The following INVS variants were observed in gnomAD, a reference collection of about 807,000 sequenced individuals.
INVS encodes the protein inversin, also known as inversion of embryo turning homolog.
In INVS, 86 loss-of-function variants were observed where a neutral mutation model predicts 108.8. The ratio of observed to expected loss-of-function variants is 0.79; its 90% CI spans 0.66 to 0.95. The LOEUF is 0.95. INVS is among the 40% of genes least tolerant of loss of function. The pLI is 0.00. For missense variants in INVS, 1,169 were observed against 1,297.4 expected, an observed-to-expected ratio of 0.90 and a Z score of 1.52; for synonymous variants, 455 against 473.5, an observed-to-expected ratio of 0.96 and a Z score of 0.51.
At chr9:100,216,136 ATTTG>A (rs1049308375) in intron 3 of INVS, among the ~76,000 whole-genome samples, 2 of 152,184 alleles carry the variant, frequency 1.3e-5, no homozygotes, top group Non-Finnish European at 2.9e-5. Context: ...GGCAGCCACA[ATTTG>A]TTTGTAGTTT....
chr9:100,299,422 T>C (rs1031434027), intron 16 of INVS, among the ~76,000 whole-genome samples: 12 of 151,792 alleles, frequency 7.9e-5, no homozygotes, highest in African/African-American at 2.7e-4. Flanking sequence ...TATAGCAAAA[T>C]GCCAGCCTCC....
chr9:100,153,005 T>TTGTGTGTGTGTGTG (rs60860854), intron 3 of INVS, among the ~76,000 whole-genome samples: 1 of 149,164 alleles, frequency 6.7e-6, no homozygotes, highest in African/African-American at 2.5e-5. Context: ...TGTTAACTAA[T>TTGTGTGTGTGTGTG]TGTGTGTGTG....
Position 100,301,090 on chromosome 9 carries a change from T to C in INVS, c.*416T>C, listed in dbSNP as rs377559532. ...TAAATGAGATAGGAAGCCTGTCCCATAGCAGCCTTCCTCTCACTACTTTCC... is the reference window on the plus strand; with the variant it reads ...TAAATGAGATAGGAAGCCTGTCCCACAGCAGCCTTCCTCTCACTACTTTCC... On this transcript the variant is annotated 3_prime_UTR_variant, in exon 17 of 17. Coordinates refer to ENST00000262457, the MANE Select transcript of INVS (RefSeq NM_014425.5). 2.0e-5 allele frequency: 5 copies of C among 245,086 alleles called. No homozygotes were observed. Among genetic ancestry groups the C allele is most frequent in the Admixed American group, 1.0e-4 (2 of 19,404 alleles). The allele number at this position is 245,086 out of a possible 1,614,324, so 15.2% of individuals were successfully genotyped here. A position where few individuals can be genotyped will look rare whatever the true frequency, so the allele number is the denominator to read the frequency against.
intron 3 of INVS, among the ~76,000 whole-genome samples, chr9:100,139,495 T>C (rs1332594564): frequency 6.6e-6 from 1 of 152,216 alleles, no homozygotes; most frequent in African/African-American, 2.4e-5. Context: ...TTTCCAGCTA[T>C]CTTCTAGAAA....
intron 14 of INVS, among the ~76,000 whole-genome samples, chr9:100,293,271 T>C (rs1249788320): frequency 6.6e-6 from 1 of 152,134 alleles, no homozygotes; most frequent in African/African-American, 2.4e-5. Context: ...CAGGACAGCA[T>C]GGGGTAAAGG....
intron 16 of INVS, chr9:100,298,458 A>C (rs979842007): frequency 1.5e-5 from 6 of 396,784 alleles, no homozygotes; most frequent in Non-Finnish European, 1.7e-5. Context: ...CATACAGGAG[A>C]AGCTCAGGGA....
In INVS at chr9:100,293,026, C is replaced by T; in HGVS notation, c.2769C>T (p.Ile923=). 1.9e-6 allele frequency: 3 copies of T among 1,613,910 alleles called. No individual in the cohort carries two copies. The highest frequency in any genetic ancestry group is 2.5e-6 in the Non-Finnish European group (3 of 1,180,010). ...FRKKNKAAAV[I]QRAWRSYQLR... Reference sequence around the variant, plus strand: ...AAAAGAACAAGGCAGCAGCAGTCATCCAGCGCGCCTGGCGAAGGTAGGAAA... The same window carrying T: ...AAAAGAACAAGGCAGCAGCAGTCATTCAGCGCGCCTGGCGAAGGTAGGAAA... The change falls in exon 14 of 17, where the codon ATC becomes ATT. Residue 923 remains isoleucine (I), a synonymous_variant. Coordinates refer to ENST00000262457, the MANE Select transcript of INVS (RefSeq NM_014425.5).
At chr9:100,162,627 G>A (rs1445719326) in intron 3 of INVS, among the ~76,000 whole-genome samples, 2 of 152,056 alleles carry the variant, frequency 1.3e-5, no homozygotes, top group Non-Finnish European at 2.9e-5. Context: ...TGATTCCCAG[G>A]CCTAATCCTA....
At position 100,300,997 on chromosome 9, in the gene INVS, A is replaced by T. The variant is rs1833949389; in HGVS notation, c.*323A>T. On this transcript the variant is annotated 3_prime_UTR_variant, in exon 17 of 17. Transcript: ENST00000262457. ...TAATTAACAGCAAAATCTAAGGAAA[A>T]CTACGGCTGCTGGGTTGGGATTTCT... is the stretch of plus-strand genomic sequence containing the variant. 1 of 316,046 alleles carries T rather than the reference A, an allele frequency of 3.2e-6. No homozygotes were observed. Among genetic ancestry groups the T allele is most frequent in the Admixed American group, 4.6e-5 (1 of 21,884 alleles). 19.6% of individuals were successfully genotyped at this position (316,046 alleles called of 1,614,324 possible).
At chr9:100,181,224 A>G (rs1394432831) in intron 3 of INVS, among the ~76,000 whole-genome samples, 1 of 152,198 alleles carries the variant, frequency 6.6e-6, no homozygotes, top group South Asian at 2.1e-4. Context: ...GGCACATGAC[A>G]AGGATGCCCT....
intron 6 of INVS, among the ~76,000 whole-genome samples, 161 bp downstream of exon 6, chr9:100,240,401 T>C (rs1831829996): frequency 6.6e-6 from 1 of 152,080 alleles, no homozygotes; most frequent in African/African-American, 2.4e-5. Context: ...AATATAAATT[T>C]ATTTTATGTT....
chr9:100,191,676 G>A (rs999038106), intron 3 of INVS, among the ~76,000 whole-genome samples: 3 of 152,048 alleles, frequency 2.0e-5, no homozygotes, highest in African/African-American at 7.2e-5. Context: ...TTCTTTATCT[G>A]GTATTTCAAA....
intron 2 of INVS, among the ~76,000 whole-genome samples, chr9:100,105,159 T>A (rs915069800): frequency 6.6e-6 from 1 of 152,276 alleles, no homozygotes; most frequent in South Asian, 2.1e-4. Context: ...GATCCATCTT[T>A]CTATCACAAA....
At chr9:100,243,001 A>G (rs1266351122) in intron 7 of INVS, among the ~76,000 whole-genome samples, 1 of 152,138 alleles carries the variant, frequency 6.6e-6, no homozygotes. Context: ...TCTTTTAACA[A>G]TGGTTCATGC....
chr9:100,185,636 A>C (rs892146873), intron 3 of INVS, among the ~76,000 whole-genome samples: 31 of 149,616 alleles, frequency 2.1e-4, no homozygotes, highest in Non-Finnish European at 1.5e-5. Flanking sequence ...CTAAGATTTT[A>C]GTGCACCCAT....
chr9:100,184,892 A>G (rs1042196823), intron 3 of INVS, among the ~76,000 whole-genome samples: 1 of 152,242 alleles, frequency 6.6e-6, no homozygotes, highest in African/African-American at 2.4e-5. Flanking sequence ...GGAAAATGAC[A>G]GGAGTAGATA....
chr9:100,262,638 TAAAAAAA>T (rs58650063), intron 10 of INVS, among the ~76,000 whole-genome samples: 1 of 116,482 alleles, frequency 8.6e-6, no homozygotes, highest in Non-Finnish European at 1.7e-5. Context: ...CCTGGAGCAC[TAAAAAAA>T]AAAAAAAAAA....
intron 3 of INVS, among the ~76,000 whole-genome samples, chr9:100,182,379 TA>T (rs1251150303): frequency 6.6e-6 from 1 of 152,128 alleles, no homozygotes; most frequent in Admixed American, 6.6e-5. Context: ...GACAAAGGGC[TA>T]ATATCCAGAA....
intron 3 of INVS, among the ~76,000 whole-genome samples, chr9:100,157,027 TATA>T (rs1319717463): frequency 2.0e-5 from 3 of 151,356 alleles, no homozygotes; most frequent in Non-Finnish European, 2.9e-5. Context: ...CATTGTTAAA[TATA>T]ATCTATTTTT....
Sources: gnomAD v4.1 joint callset for allele counts (sites outside exome capture counted in the v4.1 genomes callset) on GRCh38, gnomAD v4.1.1 for gene constraint, MANE v1.5 for transcripts, NCBI Gene and HGNC (gene_info 2026-07-23, HGNC 2026-07-21) for gene names.